PYROXD1: variants seen among roughly 807,000 people sequenced by gnomAD.
PYROXD1 encodes pyridine nucleotide-disulphide oxidoreductase domain 1.
Under a neutral mutation model 62.0 loss-of-function variants are expected in PYROXD1, and 42 were observed. The observed-to-expected ratio is 0.68, with a 90% CI of 0.53 to 0.88. The LOEUF (loss-of-function observed/expected upper bound fraction) is 0.88, where lower values mean the gene tolerates loss of function less well. PYROXD1 is among the 40% of genes least tolerant of loss of function. PYROXD1 has a pLI of 0.00. For missense variants in PYROXD1, 493 were observed against 604.8 expected, an observed-to-expected ratio of 0.82 and a Z score of 1.94; for synonymous variants, 170 against 206.4, an observed-to-expected ratio of 0.82 and a Z score of 1.51.
Position 21,456,007 on chromosome 12 carries a change from A to G in PYROXD1, c.662A>G (p.Glu221Gly), listed in dbSNP as rs1435800547. 4 of 1,604,526 alleles carry G rather than the reference A, an allele frequency of 2.5e-6. No homozygotes were observed. The highest frequency in any genetic ancestry group is 3.4e-6 in the Non-Finnish European group (4 of 1,174,106). The change falls in exon 7 of 12, where the codon GAA becomes GGA. Residue 221 changes from glutamate (E) to glycine (G), a missense_variant. Physicochemically the swap from Glu to Gly is moderately conservative, Grantham distance 98. Transcript: ENST00000240651. Reference sequence around the variant, plus strand: ...TTCATCTCTTTAGGAAGGAAAAAGGAAGCTAGAAGCAAATCTAAAGCAGAT... The same window carrying G: ...TTCATCTCTTTAGGAAGGAAAAAGGGAGCTAGAAGCAAATCTAAAGCAGAT... ...TRYTTEGRKKEARSKSKADNV... is the reference protein window; with the variant it reads ...TRYTTEGRKKGARSKSKADNV...
intron 3 of PYROXD1, among the ~76,000 whole-genome samples, chr12:21,449,309 AG>A (rs1168718504): frequency 6.6e-6 from 1 of 152,158 alleles, no homozygotes; most frequent in Admixed American, 6.5e-5. Flanking sequence ...TTTTTATGCC[AG>A]GGGAGAAAGA....
chr12:21,455,894 G>GTA (rs1591949203), intron 6 of PYROXD1, 101 bp from the exon 7 acceptor site: 2 of 688,178 alleles, frequency 2.9e-6, no homozygotes, highest in East Asian at 2.7e-5. Context: ...TGTAATGTAT[G>GTA]TATATATATG....
chr12:21,471,087 CTG>C lies in PYROXD1; in HGVS notation c.*2335_*2336del, dbSNP rs1942943233. 4 of 1,581,146 alleles carry C rather than the reference CTG, an allele frequency of 2.5e-6. No homozygotes were observed. In the East Asian group the frequency reaches 6.9e-5, roughly 27 times the overall value. ...CGAAATGGTAGCATAAGCTGTAAAA[CTG>C]TAGTCTTCTCTGCAGAAAATAAAGG... On this transcript the variant is annotated 3_prime_UTR_variant, in exon 12 of 12. Transcript: ENST00000240651.
intron 2 of PYROXD1, among the ~76,000 whole-genome samples, chr12:21,442,555 G>C (rs1942315242): frequency 6.6e-6 from 1 of 152,214 alleles, no homozygotes; most frequent in Admixed American, 6.5e-5. Flanking sequence ...GGTGGGCCCA[G>C]TATGGGCCGT....
At chr12:21,438,140 T>C (rs1287309578) in intron 1 of PYROXD1, 32 of 253,286 alleles carry the variant, frequency 1.3e-4, no homozygotes, top group Non-Finnish European at 1.8e-4. Context: ...TTTCTTTTTA[T>C]TTTTTTTTCT....
At chr12:21,457,548 C>T (rs1418314094) in intron 7 of PYROXD1, among the ~76,000 whole-genome samples, 1 of 151,512 alleles carries the variant, frequency 6.6e-6, no homozygotes, top group Non-Finnish European at 1.5e-5. Context: ...AAAGAAATAC[C>T]TGAGAGTAGG....
rs546026813 is a variant in PYROXD1 at position 21,462,483 on chromosome 12, T to G, written c.994-257T>G. Among the ~76,000 whole-genome samples the G allele has an allele frequency of 3.9e-5, 6 of 152,138 alleles. No individual in the cohort carries two copies. In the South Asian group the frequency reaches 1.2e-3, roughly 32 times the overall value. On this transcript the variant is annotated intron_variant, in intron 9 of 11. Transcript: ENST00000240651. ...TACAAAAAAAAAAAAAGAATATTCT[T>G]GTAGTTATGGATAAGGTAGTCACAT... is the stretch of plus-strand genomic sequence containing the variant.
At chr12:21,466,941 T>C (rs1246751024) in intron 10 of PYROXD1, among the ~76,000 whole-genome samples, 1 of 152,120 alleles carries the variant, frequency 6.6e-6, no homozygotes, top group Non-Finnish European at 1.5e-5. Context: ...AAAATAAAAA[T>C]ACAATAGATG....
Position 21,439,716 on chromosome 12 carries a change from G to A in PYROXD1, c.85-652G>A, listed in dbSNP as rs913523307. On this transcript the variant is annotated intron_variant, in intron 1 of 11. Transcript: ENST00000240651. ...CCAGATTATTGAGGGTGGTGGTGTC[G>A]AGGAACCAGACTTTGAGATAAGAAA... Among the ~76,000 whole-genome samples the A allele has an allele frequency of 6.6e-5, 10 of 152,292 alleles. No individual in the cohort carries two copies. In the East Asian group the frequency reaches 7.7e-4, roughly 12 times the overall value.
At chr12:21,459,288 A>C (rs1355676974) in intron 7 of PYROXD1, among the ~76,000 whole-genome samples, 1 of 152,122 alleles carries the variant, frequency 6.6e-6, no homozygotes, top group Non-Finnish European at 1.5e-5. Context: ...TTCCATGAAA[A>C]CCCAAAAGGA....
chr12:21,454,745 G>A (rs2192179), intron 5 of PYROXD1: 75,349 of 152,742 alleles, frequency 0.49, 18,641 homozygotes, highest in Middle Eastern at 0.58. Context: ...ATAGCTATGT[G>A]CCATCCATCC....
chr12:21,466,175 TTAAAG>T (rs1271211944), intron 10 of PYROXD1, among the ~76,000 whole-genome samples: 3 of 150,656 alleles, frequency 2.0e-5, no homozygotes, highest in African/African-American at 4.9e-5. Context: ...CATATGAACT[TTAAAG>T]TAGTTTTTTC....
intron 1 of PYROXD1, chr12:21,438,654 T>C (rs533876629): frequency 6.6e-6 from 1 of 152,268 alleles, no homozygotes; most frequent in Admixed American, 6.5e-5. Flanking sequence ...TTGATTATAC[T>C]GAATAGCCAG....
At chr12:21,445,813 C>G (rs1942376055) in intron 3 of PYROXD1, among the ~76,000 whole-genome samples, 1 of 152,032 alleles carries the variant, frequency 6.6e-6, no homozygotes, top group Non-Finnish European at 1.5e-5. Flanking sequence ...AACATGCATA[C>G]TATAATTATA....
chr12:21,459,819 GT>G (rs1396639259), intron 7 of PYROXD1, among the ~76,000 whole-genome samples: 1 of 152,144 alleles, frequency 6.6e-6, no homozygotes, highest in African/African-American at 2.4e-5. Flanking sequence ...AACTGAGTTT[GT>G]TTTTTCCTAT....
chr12:21,452,180 A>G, intron 5 of PYROXD1, 26 bp downstream of exon 5: 3 of 1,346,620 alleles, frequency 2.2e-6, no homozygotes, highest in Non-Finnish European at 3.0e-6. Flanking sequence ...TAAATATGAT[A>G]ACATTTAAAT....
At chr12:21,443,922 A>ATTAATCT (rs951588377) in intron 2 of PYROXD1, among the ~76,000 whole-genome samples, 3 of 152,214 alleles carry the variant, frequency 2.0e-5, no homozygotes, top group Non-Finnish European at 2.9e-5. Flanking sequence ...AATTATAGCT[A>ATTAATCT]TTAATCTTTA....
intron 3 of PYROXD1, among the ~76,000 whole-genome samples, chr12:21,448,879 T>C (rs1360182660): frequency 6.6e-6 from 1 of 152,200 alleles, no homozygotes; most frequent in Non-Finnish European, 1.5e-5. Flanking sequence ...TAATATAAAT[T>C]TAAAGCCAAT....
intron 7 of PYROXD1, among the ~76,000 whole-genome samples, chr12:21,459,771 C>G (rs985284371): frequency 6.6e-6 from 1 of 152,162 alleles, no homozygotes; most frequent in African/African-American, 2.4e-5. Context: ...CACATTTGGT[C>G]ACAGAAGTAT....
Sources: allele counts gnomAD v4.1 joint callset (sites outside exome capture counted in the v4.1 genomes callset), GRCh38; gene constraint gnomAD v4.1.1; transcripts MANE v1.5; gene names NCBI Gene and HGNC (gene_info 2026-07-23, HGNC 2026-07-21).